ADCY2: variants seen among roughly 807,000 people sequenced by gnomAD.
ADCY2 encodes adenylate cyclase type 2.
ADCY2 carries 31 observed loss-of-function variants against 125.2 expected under a neutral mutation model. That is an observed-to-expected ratio of 0.25 (90% CI 0.19 to 0.33). The LOEUF is 0.33. ADCY2 is among the 10% of genes least tolerant of loss of function. The probability of loss-of-function intolerance (pLI) is 1.00; values close to 1 mark genes in which losing one functional copy is unlikely to be tolerated. For synonymous variants in ADCY2, 512 were observed against 548.4 expected (o/e 0.93, Z 0.93); for missense variants, 904 against 1,418.2 (o/e 0.64, Z 5.82).
chr5:7,544,584 G>T (rs1439571295), intron 3 of ADCY2, among the ~76,000 whole-genome samples: 1 of 152,144 alleles, frequency 6.6e-6, no homozygotes, highest in African/African-American at 2.4e-5. Flanking sequence ...TTCATCACGT[G>T]TGCAAAGTCC....
At chr5:7,618,307 C>T (rs568508946) in intron 3 of ADCY2, among the ~76,000 whole-genome samples, 1 of 152,304 alleles carries the variant, frequency 6.6e-6, no homozygotes, top group South Asian at 2.1e-4. Context: ...GGGCACTCTG[C>T]ACTTTTTATG....
chr5:7,776,428 C>G (rs1743728790), intron 18 of ADCY2, among the ~76,000 whole-genome samples: 2 of 152,290 alleles, frequency 1.3e-5, no homozygotes, highest in Middle Eastern at 3.4e-3. Flanking sequence ...TCCTTGCCTT[C>G]TCTCTTCTGT....
chr5:7,823,335 A>G (rs1054072635), intron 24 of ADCY2, among the ~76,000 whole-genome samples: 2 of 152,190 alleles, frequency 1.3e-5, no homozygotes, highest in East Asian at 3.9e-4. Context: ...TGAGTTTCCA[A>G]CACTGGCTCC....
chr5:7,519,646 T>C (rs554867512), intron 2 of ADCY2, among the ~76,000 whole-genome samples: 55 of 152,352 alleles, frequency 3.6e-4, no homozygotes, highest in South Asian at 2.7e-3. Context: ...TTTGAGAGGT[T>C]TCGTGTTGAT....
At chr5:7,419,103 A>G (rs1371209976) in intron 2 of ADCY2, among the ~76,000 whole-genome samples, 3 of 152,116 alleles carry the variant, frequency 2.0e-5, no homozygotes, top group Non-Finnish European at 2.9e-5. Context: ...TTCCCACTGG[A>G]AGATGGTTAA....
intron 4 of ADCY2, among the ~76,000 whole-genome samples, chr5:7,627,326 G>A (rs1385813457): frequency 6.6e-6 from 1 of 152,210 alleles, no homozygotes; most frequent in Non-Finnish European, 1.5e-5. Flanking sequence ...AATAGGAGAT[G>A]TGTGGGGACC....
At chr5:7,757,709 A>T in intron 16 of ADCY2, 123 bp downstream of exon 16, 1 of 1,371,516 alleles carries the variant, frequency 7.3e-7, no homozygotes, top group Non-Finnish European at 9.7e-7. Context: ...AGCTGTGTTC[A>T]ACATGCTCAG....
At chr5:7,555,856 A>G (rs908620706) in intron 3 of ADCY2, among the ~76,000 whole-genome samples, 52 of 129,100 alleles carry the variant, frequency 4.0e-4, no homozygotes, top group South Asian at 1.7e-3. Context: ...ATGTGAGCGC[A>G]CACACACACA....
chr5:7,430,775 C>A (rs935021647), intron 2 of ADCY2, among the ~76,000 whole-genome samples: 31 of 151,876 alleles, frequency 2.0e-4, no homozygotes, highest in Non-Finnish European at 2.9e-4. Flanking sequence ...TGGAAAAAAA[C>A]CATTTAATAT....
At chr5:7,735,507 A>G (rs1742221691) in intron 14 of ADCY2, among the ~76,000 whole-genome samples, 1 of 152,096 alleles carries the variant, frequency 6.6e-6, no homozygotes, top group Admixed American at 6.6e-5. Context: ...CATTTTATTA[A>G]TAGTTTGTTG....
intron 22 of ADCY2, among the ~76,000 whole-genome samples, chr5:7,805,893 T>C (rs1744745334): frequency 6.6e-6 from 1 of 152,242 alleles, no homozygotes; most frequent in African/African-American, 2.4e-5. Flanking sequence ...ATGTATTCCA[T>C]TGGTTCTCCT....
In ADCY2 at chr5:7,430,547, A is replaced by AGT. The variant is rs1740555283; in HGVS notation, c.408+15778_408+15779dup. On this transcript the variant is annotated intron_variant, in intron 2 of 24. Transcript: ENST00000338316. The stretch of plus-strand genomic sequence containing the variant: ...GTATATATATATACTATATATATAT[A>AGT]GTATATTGATATACTATATATATAG... 6.1e-5 allele frequency among the ~76,000 whole-genome samples: 9 copies of AGT among 148,354 alleles called. No homozygotes were observed. The South Asian group carries it at 1.9e-3, about 31-fold the overall frequency.
At chr5:7,469,229 T>A in intron 2 of ADCY2, among the ~76,000 whole-genome samples, 1 of 150,694 alleles carries the variant, frequency 6.6e-6, no homozygotes, top group Non-Finnish European at 1.5e-5. Context: ...TAAGTACTAT[T>A]AATTTTTTAG....
intron 3 of ADCY2, among the ~76,000 whole-genome samples, chr5:7,618,580 C>G (rs1173552135): frequency 1.3e-5 from 2 of 152,226 alleles, no homozygotes; most frequent in Middle Eastern, 3.4e-3. Context: ...AACTAAATAC[C>G]TGTCAGCTTT....
intron 4 of ADCY2, chr5:7,690,460 C>G (rs560913615): frequency 1.5e-5 from 5 of 339,718 alleles, no homozygotes; most frequent in East Asian, 4.5e-5. Context: ...ATTCTTCATA[C>G]TGAAGAACAC....
chr5:7,658,399 TTGTGTGTG>T lies in ADCY2; in HGVS notation c.720+32109_720+32116del, dbSNP rs369870574. ...TTCTCCTTTTCACCAGTGAAGAGAA[TTGTGTGTG>T]TGTGTGTGTGTGTGTGTGTGTGTGT... is the stretch of plus-strand genomic sequence containing the variant. On this transcript the variant is annotated intron_variant, in intron 4 of 24. Transcript: ENST00000338316. Among the ~76,000 whole-genome samples the T allele has an allele frequency of 4.6e-5, 6 of 131,026 alleles. No individual in the cohort carries two copies. In the East Asian group the frequency reaches 6.2e-4, roughly 13 times the overall value. 86.0% of individuals were successfully genotyped at this position (131,026 alleles called of 152,430 possible).
chr5:7,696,067 A>G (rs1740881998), intron 6 of ADCY2, among the ~76,000 whole-genome samples: 1 of 152,254 alleles, frequency 6.6e-6, no homozygotes, highest in Non-Finnish European at 1.5e-5. Flanking sequence ...GCATATCATT[A>G]TCACGTTTTT....
intron 12 of ADCY2, among the ~76,000 whole-genome samples, chr5:7,724,003 A>G (rs1741853672): frequency 6.6e-6 from 1 of 150,770 alleles, no homozygotes; most frequent in African/African-American, 2.4e-5. Flanking sequence ...GAAAAAAATG[A>G]CAATGAAAGT....
intron 15 of ADCY2, among the ~76,000 whole-genome samples, chr5:7,753,304 A>G (rs1242516252): frequency 6.6e-6 from 1 of 152,162 alleles, no homozygotes; most frequent in Non-Finnish European, 1.5e-5. Context: ...GTGCATTTCT[A>G]GAAGGTACAC....
Sources: allele counts gnomAD v4.1 joint callset (sites outside exome capture counted in the v4.1 genomes callset), GRCh38; gene constraint gnomAD v4.1.1; transcripts MANE v1.5; gene names NCBI Gene and HGNC (gene_info 2026-07-23, HGNC 2026-07-21).